Variants in SLC23A2 observed in about 807,000 individuals in gnomAD.
SLC23A2 encodes Na(+)/L-ascorbic acid transporter 2.
A neutral mutation model predicts 73.3 loss-of-function variants in SLC23A2; 36 were observed. The ratio of observed to expected loss-of-function variants is 0.49; its 90% CI spans 0.38 to 0.65. The LOEUF is 0.65. Among genes scored for constraint, SLC23A2 ranks in the 30% least tolerant of loss-of-function variants. The pLI is 0.00. For synonymous variants in SLC23A2, 343 were observed against 327.3 expected, an observed-to-expected ratio of 1.05 and a Z score of -0.52; for missense variants, 507 against 841.6, an observed-to-expected ratio of 0.60 and a Z score of 4.92.
rs1930289486 is a variant in SLC23A2, at chr20:4,868,287, G to A, written c.1251-412C>T. 1.3e-5 allele frequency among the ~76,000 whole-genome samples: 2 copies of A among 152,024 alleles called. No homozygotes were observed. The highest frequency in any genetic ancestry group is 1.3e-4 in the Admixed American group (2 of 15,256). The stretch of plus-strand genomic sequence containing the variant: ...CGGGGTTTCACCATGTGGCCAGGCT[G>A]GTGTGGAATTCCTGACCTCAGGGTG... On this transcript the variant is annotated intron_variant, in intron 12 of 16. Transcript: ENST00000338244. This position sits in a 1 kb window ranked among gnomAD's most constrained non-coding sequence, Gnocchi z 4.4.
intron 1 of SLC23A2, among the ~76,000 whole-genome samples, chr20:4,999,913 G>A (rs569682317): frequency 5.9e-5 from 9 of 152,242 alleles, no homozygotes; most frequent in African/African-American, 2.2e-4. Context: ...AAAGAAGCTG[G>A]TTGCCATTTT....
chr20:4,903,363 C>A lies in SLC23A2; in HGVS notation c.208-805G>T, dbSNP rs185220664. On this transcript the variant is annotated intron_variant, in intron 4 of 16. Coordinates refer to ENST00000338244, the MANE Select transcript of SLC23A2 (RefSeq NM_005116.6). ...GAGCCAAACAGAAAACTCAAGGTAGCCCCGAGTTCCCCAGGAGAACCTCAA... is the reference window on the plus strand; with the variant it reads ...GAGCCAAACAGAAAACTCAAGGTAGACCCGAGTTCCCCAGGAGAACCTCAA... Among the ~76,000 whole-genome samples the A allele has an allele frequency of 1.8e-3, 279 of 152,108 alleles. 3 individuals are homozygous for A. The highest frequency in any genetic ancestry group is 6.4e-3 in the African/African-American group (264 of 41,406).
intron 16 of SLC23A2, among the ~76,000 whole-genome samples, chr20:4,858,059 T>C: frequency 6.6e-6 from 1 of 152,220 alleles, no homozygotes; most frequent in East Asian, 1.9e-4. Flanking sequence ...GGCTGAATCT[T>C]TATTGTATCA....
upstream of SLC23A2, among the ~76,000 whole-genome samples, chr20:5,003,104 C>A (rs1394634203): frequency 6.6e-6 from 1 of 152,166 alleles, no homozygotes; most frequent in East Asian, 1.9e-4. Flanking sequence ...AAAGATGCGG[C>A]CGGGCGCGGT....
chr20:4,963,702 G>A (rs957883401), intron 2 of SLC23A2, among the ~76,000 whole-genome samples: 10 of 151,996 alleles, frequency 6.6e-5, no homozygotes, highest in African/African-American at 2.4e-4. Context: ...ATAAAAATTA[G>A]CCAGGCATGA....
chr20:4,959,454 G>C (rs1422653518), intron 2 of SLC23A2, among the ~76,000 whole-genome samples: 2 of 152,130 alleles, frequency 1.3e-5, no homozygotes, highest in Non-Finnish European at 2.9e-5. Context: ...CTTACGTTCA[G>C]ACAAGAACAT....
chr20:4,931,664 G>A (rs1024692394), intron 3 of SLC23A2, among the ~76,000 whole-genome samples: 1 of 152,076 alleles, frequency 6.6e-6, no homozygotes, highest in Non-Finnish European at 1.5e-5. Flanking sequence ...AGCTACTCGG[G>A]AGACTGAGAT....
intron 3 of SLC23A2, among the ~76,000 whole-genome samples, chr20:4,928,170 G>A (rs928504931): frequency 9.2e-5 from 14 of 152,184 alleles, no homozygotes; most frequent in African/African-American, 3.1e-4. Flanking sequence ...CTCCCAAGTA[G>A]GTAGGACTAC....
chr20:4,954,648 G>A (rs1485628143), intron 2 of SLC23A2, among the ~76,000 whole-genome samples: 6 of 142,398 alleles, frequency 4.2e-5, no homozygotes, highest in African/African-American at 8.2e-5. Flanking sequence ...CAGTTGAGCC[G>A]AGATTGTGCC....
intron 1 of SLC23A2, among the ~76,000 whole-genome samples, chr20:4,986,763 C>CATA (rs2087837664): frequency 6.7e-6 from 1 of 149,248 alleles, no homozygotes; most frequent in African/African-American, 2.5e-5. Flanking sequence ...AGCAGTTGAC[C>CATA]GTATTCAAGA....
intron 2 of SLC23A2, among the ~76,000 whole-genome samples, chr20:4,941,132 G>A (rs2087034033): frequency 6.6e-6 from 1 of 151,866 alleles, no homozygotes; most frequent in Admixed American, 6.6e-5. Flanking sequence ...CTCCAGCCTG[G>A]GCGACAGAGC....
intron 6 of SLC23A2, among the ~76,000 whole-genome samples, chr20:4,895,416 C>T (rs974775142): frequency 2.6e-5 from 4 of 152,222 alleles, no homozygotes; most frequent in East Asian, 1.9e-4. Context: ...TAATTCACAG[C>T]CTATGATGGA....
chr20:4,898,481 G>T (rs1049817628), intron 6 of SLC23A2, among the ~76,000 whole-genome samples: 2 of 152,160 alleles, frequency 1.3e-5, no homozygotes, highest in Non-Finnish European at 2.9e-5. Flanking sequence ...ACCTCCCACC[G>T]CAGGGAGGGC....
At chr20:4,957,290 G>A (rs1221568917) in intron 2 of SLC23A2, among the ~76,000 whole-genome samples, 1 of 151,906 alleles carries the variant, frequency 6.6e-6, no homozygotes. Context: ...ACTCCCATCT[G>A]TACAAAAAAA....
intron 2 of SLC23A2, among the ~76,000 whole-genome samples, chr20:4,966,418 G>A (rs569847262): frequency 5.9e-5 from 9 of 152,224 alleles, no homozygotes; most frequent in South Asian, 2.1e-4. Context: ...TATCCAATGC[G>A]GGAGCCACCA....
rs1930585040 is a variant in SLC23A2, at chr20:4,874,668, G to A, written c.853C>T (p.Gln285Ter). Residue 285 changes from glutamine to a stop codon, truncating the protein, a stop_gained, in exon 10 of 17, where the codon CAA becomes TAA. Transcript: ENST00000338244. LOFTEE classifies it high-confidence loss of function. ...GGAAATTTAACATTTCTGGCGTATTGAGAAAACAGTAATACTAGGAATATT... is the reference window on the plus strand; with the variant it reads ...GGAAATTTAACATTTCTGGCGTATTAAGAAAACAGTAATACTAGGAATATT... Reference protein sequence around the residue: ...LTIFLVLLFSQYARNVKFPLP... With the variant: ...LTIFLVLLFS 1 of 1,611,502 alleles carries A rather than the reference G, an allele frequency of 6.2e-7. No individual in the cohort carries two copies. The highest frequency in any genetic ancestry group is 1.3e-5 in the African/African-American group (1 of 74,852).
At position 4,862,400 on chromosome 20, in the gene SLC23A2, C is replaced by T. The variant is rs1930001989; in HGVS notation, c.1487-315G>A. On this transcript the variant is annotated intron_variant, in intron 14 of 16. Transcript: ENST00000338244. The surrounding 1 kb of genome is among the most constrained non-coding windows in gnomAD (Gnocchi z 5.1). The stretch of plus-strand genomic sequence containing the variant: ...CATTTTGATTAAACAGGGAGACCTA[C>T]CTAAATATCTGGTGCATGTCTCTGG... Among the ~76,000 whole-genome samples, 1 of 152,216 alleles carries T rather than the reference C, an allele frequency of 6.6e-6. No homozygotes were observed. The highest frequency in any genetic ancestry group is 6.5e-5 in the Admixed American group (1 of 15,278).
rs188050338 is a variant in SLC23A2, at chr20:4,886,664, T to C, written c.483-755A>G. Among the ~76,000 whole-genome samples, 15 of 152,358 alleles carry C rather than the reference T, an allele frequency of 9.8e-5. No individual in the cohort carries two copies. The East Asian group carries it at 2.7e-3, about 27-fold the overall frequency. On this transcript the variant is annotated intron_variant, in intron 6 of 16. Transcript: ENST00000338244. ...TTAGCTATTCAAAAAGACTACCATT[T>C]TTTAATGGAAATGTACAGCATTTCA...
chr20:5,004,538 G>T (rs2088168605), upstream of SLC23A2, among the ~76,000 whole-genome samples: 1 of 152,032 alleles, frequency 6.6e-6, no homozygotes, highest in Non-Finnish European at 1.5e-5. Flanking sequence ...ATCCTTCAGG[G>T]CCTCCCAGTC....
Sources: gnomAD v4.1 joint callset for allele counts (sites outside exome capture counted in the v4.1 genomes callset) on GRCh38, gnomAD v4.1.1 for gene constraint, Gnocchi (gnomAD v3.1) non-coding constraint, MANE v1.5 for transcripts, NCBI Gene and HGNC (gene_info 2026-07-23, HGNC 2026-07-21) for gene names.